The following EXT1 variants were observed in gnomAD, a reference collection of about 807,000 sequenced individuals.
EXT1 encodes the protein exostosin glycosyltransferase 1.
Under a neutral mutation model 82.5 loss-of-function variants are expected in EXT1, and 20 were observed. The observed-to-expected ratio is 0.24, with a 90% CI of 0.17 to 0.35. The LOEUF (loss-of-function observed/expected upper bound fraction) is 0.35, where lower values mean the gene tolerates loss of function less well. Ranked by LOEUF, EXT1 falls within the 10% of genes least tolerant of loss-of-function variation. The pLI is 1.00. For synonymous variants in EXT1, 348 were observed against 350.8 expected, an observed-to-expected ratio of 0.99 and a Z score of 0.09; for missense variants, 757 against 936.5, an observed-to-expected ratio of 0.81 and a Z score of 2.50.
chr8:117,914,265 A>T (rs1813704835), intron 1 of EXT1, among the ~76,000 whole-genome samples: 1 of 152,216 alleles, frequency 6.6e-6, no homozygotes, highest in African/African-American at 2.4e-5. Context: ...ATAATTTCTT[A>T]CACTTGTCTT....
intron 1 of EXT1, among the ~76,000 whole-genome samples, chr8:118,055,971 C>T (rs2129932609): frequency 6.6e-6 from 1 of 152,230 alleles, no homozygotes; most frequent in African/African-American, 2.4e-5. Context: ...GATGGTCTAA[C>T]ACAGGGATGT....
intron 1 of EXT1, among the ~76,000 whole-genome samples, chr8:118,059,214 G>C (rs1288972963): frequency 6.6e-6 from 1 of 152,130 alleles, no homozygotes; most frequent in Non-Finnish European, 1.5e-5. Flanking sequence ...AGCGGCTCAC[G>C]GCAGTATAGT....
At chr8:117,978,974 T>C (rs1289619702) in intron 1 of EXT1, among the ~76,000 whole-genome samples, 2 of 152,148 alleles carry the variant, frequency 1.3e-5, no homozygotes, top group African/African-American at 4.8e-5. Flanking sequence ...AGTGGACCCC[T>C]AGAAATGACT....
intron 1 of EXT1, among the ~76,000 whole-genome samples, chr8:118,058,996 C>T (rs1586368929): frequency 6.6e-6 from 1 of 152,270 alleles, no homozygotes; most frequent in African/African-American, 2.4e-5. Flanking sequence ...CTTTTCTCCA[C>T]CCCACCAGAC....
chr8:117,915,495 AT>A (rs1813730598), intron 1 of EXT1, among the ~76,000 whole-genome samples: 1 of 152,150 alleles, frequency 6.6e-6, no homozygotes, highest in Non-Finnish European at 1.5e-5. Context: ...GTTATTTCAA[AT>A]TTTTCATTCT....
chr8:117,986,571 C>T (rs561359971), intron 1 of EXT1, among the ~76,000 whole-genome samples: 1 of 152,310 alleles, frequency 6.6e-6, no homozygotes, highest in Admixed American at 6.5e-5. Flanking sequence ...CAGACTATCT[C>T]TATGTGGCCA....
intron 1 of EXT1, among the ~76,000 whole-genome samples, chr8:117,884,995 A>AT (rs904302176): frequency 2.6e-5 from 4 of 152,162 alleles, no homozygotes; most frequent in South Asian, 4.1e-4. Flanking sequence ...AGGCCTGCTG[A>AT]TTTTTTCCCG....
chr8:117,988,445 C>A (rs1042298910), intron 1 of EXT1, among the ~76,000 whole-genome samples: 1 of 152,162 alleles, frequency 6.6e-6, no homozygotes, highest in African/African-American at 2.4e-5. Context: ...CCAGAGCCTG[C>A]AGTTTTAATA....
chr8:118,043,717 T>C (rs1816574561), intron 1 of EXT1, among the ~76,000 whole-genome samples: 1 of 152,182 alleles, frequency 6.6e-6, no homozygotes, highest in African/African-American at 2.4e-5. Context: ...TCATAACACC[T>C]CACACAATGT....
At chr8:118,011,996 A>T (rs1040913401) in intron 1 of EXT1, among the ~76,000 whole-genome samples, 2 of 152,230 alleles carry the variant, frequency 1.3e-5, no homozygotes, top group Non-Finnish European at 2.9e-5. Context: ...CAGCAGCAGC[A>T]GCAGGAGGAG....
chr8:117,901,023 G>T (rs1233100057), intron 1 of EXT1, among the ~76,000 whole-genome samples: 1 of 152,190 alleles, frequency 6.6e-6, no homozygotes, highest in Non-Finnish European at 1.5e-5. Context: ...TCAGTAAAAA[G>T]TTCCAGTAAA....
chr8:118,049,443 T>C (rs1431708126), intron 1 of EXT1, among the ~76,000 whole-genome samples: 1 of 152,100 alleles, frequency 6.6e-6, no homozygotes, highest in Admixed American at 6.5e-5. Flanking sequence ...ACCCAGAATT[T>C]GTTGGCAAAG....
intron 1 of EXT1, among the ~76,000 whole-genome samples, chr8:117,953,237 T>C (rs1814523946): frequency 6.6e-6 from 1 of 152,116 alleles, no homozygotes; most frequent in African/African-American, 2.4e-5. Context: ...TACATATATA[T>C]ACATATATCT....
chr8:117,820,268 G>C (rs186838782), intron 5 of EXT1, among the ~76,000 whole-genome samples: 1 of 152,276 alleles, frequency 6.6e-6, no homozygotes, highest in East Asian at 1.9e-4. Flanking sequence ...TGACTGTCTA[G>C]GTCTGAATCC....
intron 1 of EXT1, among the ~76,000 whole-genome samples, chr8:117,949,937 C>G (rs1261719249): frequency 6.6e-6 from 1 of 152,094 alleles, no homozygotes; most frequent in Non-Finnish European, 1.5e-5. Flanking sequence ...AAATTACTAA[C>G]AAGGAGGCCA....
In EXT1 at chr8:117,835,478, G is replaced by A. The variant is rs746080792; in HGVS notation, c.1130C>T (p.Ala377Val). 2 of 1,614,164 alleles carry A rather than the reference G, an allele frequency of 1.2e-6. No individual in the cohort carries two copies. The highest frequency in any genetic ancestry group is 1.7e-6 in the Non-Finnish European group (2 of 1,180,014). Residue 377 changes from alanine to valine, a missense_variant, in exon 3 of 11, where the codon GCT becomes GTT. Physicochemically the swap from Ala to Val is moderately conservative, Grantham distance 64 (BLOSUM62 0). Transcript: ENST00000378204. Reference sequence around the variant, plus strand: ...CAATCTCTCATCGCCTATGACGGCAGCTTGGTTCCAATTAATCACTTCAGA... The same window carrying A: ...CAATCTCTCATCGCCTATGACGGCAACTTGGTTCCAATTAATCACTTCAGA... The part of the protein sequence containing the change: ...PFSEVINWNQ[A>V]AVIGDERLLL...
chr8:118,073,749 G>A (rs942520040), intron 1 of EXT1, among the ~76,000 whole-genome samples: 1 of 152,176 alleles, frequency 6.6e-6, no homozygotes, highest in African/African-American at 2.4e-5. Flanking sequence ...CTTATGCAGA[G>A]AGGGAAGCAT....
intron 1 of EXT1, among the ~76,000 whole-genome samples, chr8:117,928,153 G>T (rs573623044): frequency 6.6e-6 from 1 of 152,318 alleles, no homozygotes; most frequent in African/African-American, 2.4e-5. Flanking sequence ...CTAGGCCAAT[G>T]GACTCATTTT....
At chr8:117,865,318 C>A (rs1006051928) in intron 1 of EXT1, among the ~76,000 whole-genome samples, 3 of 152,134 alleles carry the variant, frequency 2.0e-5, no homozygotes, top group Non-Finnish European at 4.4e-5. Flanking sequence ...CAGGTCTGCA[C>A]CACCAAATCT....
Sources: allele counts gnomAD v4.1 joint callset (sites outside exome capture counted in the v4.1 genomes callset), GRCh38; gene constraint gnomAD v4.1.1; transcripts MANE v1.5; gene names NCBI Gene and HGNC (gene_info 2026-07-23, HGNC 2026-07-21).